Variants in SYT9 observed in about 807,000 individuals in gnomAD.
The protein encoded by SYT9 is synaptotagmin 9.
In SYT9, 22 loss-of-function variants were observed where a neutral mutation model predicts 48.4. That is an observed-to-expected ratio of 0.45 (90% CI 0.32 to 0.65). The LOEUF (loss-of-function observed/expected upper bound fraction) is 0.65, where lower values mean the gene tolerates loss of function less well. Ranked by LOEUF, SYT9 falls within the 30% of genes least tolerant of loss-of-function variation. SYT9 has a pLI of 0.03. For missense variants in SYT9, 577 were observed against 622.0 expected (o/e 0.93, Z 0.77); for synonymous variants, 265 against 245.0 (o/e 1.08, Z -0.76).
Position 7,304,485 on chromosome 11 carries a change from T to A in SYT9, c.497+1095T>A, listed in dbSNP as rs542033347. ...ATAAACACAATTTGGAGGTATTTTT[T>A]AAAAATATTTGCTGTTTGTTCTCCA... On this transcript the variant is annotated intron_variant, in intron 2 of 6. Transcript: ENST00000318881. Among the ~76,000 whole-genome samples the A allele has an allele frequency of 2.6e-3, 396 of 152,370 alleles. 2 individuals are homozygous for A. Among genetic ancestry groups the A allele is most frequent in the African/African-American group, 6.8e-3 (284 of 41,596 alleles).
chr11:7,254,078 G>C (rs778283954), intron 1 of SYT9, among the ~76,000 whole-genome samples: 1 of 152,132 alleles, frequency 6.6e-6, no homozygotes, highest in African/African-American at 2.4e-5. Context: ...TGTGTTCTCA[G>C]ATTCTCTTCA....
intron 3 of SYT9, among the ~76,000 whole-genome samples, chr11:7,336,158 A>G (rs1849627261): frequency 6.6e-6 from 1 of 151,988 alleles, no homozygotes; most frequent in African/African-American, 2.4e-5. Context: ...ATGTCTATTC[A>G]TGTCCCTTGC....
chr11:7,269,653 C>T (rs1292471048), intron 1 of SYT9, among the ~76,000 whole-genome samples: 2 of 152,148 alleles, frequency 1.3e-5, no homozygotes, highest in Admixed American at 1.3e-4. Flanking sequence ...TCACTTTCGA[C>T]CTGAGTCTAC....
chr11:7,458,779 G>A (rs1848194857), intron 6 of SYT9, among the ~76,000 whole-genome samples: 1 of 152,186 alleles, frequency 6.6e-6, no homozygotes, highest in South Asian at 2.1e-4. Flanking sequence ...AGTAGGGGAT[G>A]AGATCAGAAA....
intron 3 of SYT9, among the ~76,000 whole-genome samples, chr11:7,323,795 T>C (rs1227279502): frequency 6.6e-6 from 1 of 152,082 alleles, no homozygotes; most frequent in East Asian, 1.9e-4. Context: ...TATACATGAA[T>C]GTGTGTGTGT....
chr11:7,342,368 C>T (rs1357618724), intron 3 of SYT9, among the ~76,000 whole-genome samples: 1 of 152,170 alleles, frequency 6.6e-6, no homozygotes, highest in African/African-American at 2.4e-5. Context: ...AATGGAGGTA[C>T]AGGCATTGGA....
At chr11:7,404,377 T>C (rs1846961300) in intron 3 of SYT9, among the ~76,000 whole-genome samples, 1 of 152,178 alleles carries the variant, frequency 6.6e-6, no homozygotes, top group South Asian at 2.1e-4. Flanking sequence ...CTAATCTTTT[T>C]CTCTTTTCCT....
chr11:7,322,912 G>A (rs1849362520), intron 3 of SYT9, among the ~76,000 whole-genome samples: 3 of 152,066 alleles, frequency 2.0e-5, no homozygotes, highest in Admixed American at 2.0e-4. Context: ...TTTGCCTATT[G>A]TTGAAATTTA....
intron 3 of SYT9, among the ~76,000 whole-genome samples, chr11:7,347,861 G>A (rs1849832501): frequency 6.6e-6 from 1 of 152,134 alleles, no homozygotes; most frequent in African/African-American, 2.4e-5. Flanking sequence ...CTCCGTGCTA[G>A]CACTAGAATG....
At chr11:7,282,330 T>C (rs1164563115) in intron 1 of SYT9, among the ~76,000 whole-genome samples, 1 of 152,232 alleles carries the variant, frequency 6.6e-6, no homozygotes, top group African/African-American at 2.4e-5. Context: ...ATTTATGTTA[T>C]TTTTCCATGC....
chr11:7,405,314 C>T (rs1846985556), intron 3 of SYT9, among the ~76,000 whole-genome samples: 1 of 152,118 alleles, frequency 6.6e-6, no homozygotes, highest in Non-Finnish European at 1.5e-5. Context: ...ACACACCCTC[C>T]TCCACAGTTG....
At chr11:7,408,107 G>A (rs908208063) in intron 3 of SYT9, among the ~76,000 whole-genome samples, 1 of 151,994 alleles carries the variant, frequency 6.6e-6, no homozygotes, top group African/African-American at 2.4e-5. Flanking sequence ...GTCTATAGTT[G>A]CTTTAGGTAG....
chr11:7,364,911 GA>G (rs747750113), intron 3 of SYT9, among the ~76,000 whole-genome samples: 5 of 152,074 alleles, frequency 3.3e-5, no homozygotes, highest in African/African-American at 4.8e-5. Flanking sequence ...AAAAAGGAAA[GA>G]AAAAAGAATC....
intron 1 of SYT9, among the ~76,000 whole-genome samples, chr11:7,289,823 A>G (rs1005711925): frequency 6.6e-6 from 1 of 152,250 alleles, no homozygotes; most frequent in Non-Finnish European, 1.5e-5. Context: ...TAATGAGTAA[A>G]TGCCAATTGC....
chr11:7,396,128 T>C (rs1170048818), intron 3 of SYT9, among the ~76,000 whole-genome samples: 5 of 152,142 alleles, frequency 3.3e-5, no homozygotes, highest in Admixed American at 2.6e-4. Flanking sequence ...ATTTTAAGCA[T>C]ATAAGTTTTG....
At chr11:7,448,587 C>G (rs1032788400) in intron 6 of SYT9, among the ~76,000 whole-genome samples, 1 of 152,218 alleles carries the variant, frequency 6.6e-6, no homozygotes, top group Admixed American at 6.5e-5. Flanking sequence ...CGTCAATCTA[C>G]GCTGAAAATG....
intron 3 of SYT9, among the ~76,000 whole-genome samples, chr11:7,353,288 A>C (rs1435400348): frequency 6.6e-6 from 1 of 152,110 alleles, no homozygotes; most frequent in East Asian, 1.9e-4. Flanking sequence ...CACTTCCTCC[A>C]GCCCCCAGGA....
chr11:7,462,175 G>A (rs1472331943), intron 6 of SYT9, among the ~76,000 whole-genome samples: 1 of 152,194 alleles, frequency 6.6e-6, no homozygotes, highest in African/African-American at 2.4e-5. Flanking sequence ...ATAAAAGCAT[G>A]GTGGCAGATT....
chr11:7,298,027 A>T (rs1848845687), intron 1 of SYT9, among the ~76,000 whole-genome samples: 1 of 152,236 alleles, frequency 6.6e-6, no homozygotes, highest in Non-Finnish European at 1.5e-5. Flanking sequence ...ATAGATGCTC[A>T]GCGGACCCCT....
Sources: allele counts gnomAD v4.1 joint callset (sites outside exome capture counted in the v4.1 genomes callset), GRCh38; gene constraint gnomAD v4.1.1; transcripts MANE v1.5; gene names NCBI Gene and HGNC (gene_info 2026-07-23, HGNC 2026-07-21).